RNASEL: variants seen among roughly 807,000 people sequenced by gnomAD.
The protein encoded by RNASEL is 2-5A-dependent ribonuclease.
RNASEL carries 36 observed loss-of-function variants against 50.9 expected under a neutral mutation model. The ratio of observed to expected loss-of-function variants is 0.71; its 90% CI spans 0.54 to 0.93. The LOEUF (loss-of-function observed/expected upper bound fraction) is 0.93. RNASEL is among the 40% of genes least tolerant of loss of function. The pLI is 0.00. For synonymous variants in RNASEL, 335 were observed against 335.6 expected (o/e 1.00, Z 0.02); for missense variants, 860 against 894.5 (o/e 0.96, Z 0.49).
At chr1:182,578,731 G>A (rs943051106) in intron 5 of RNASEL, 8 of 152,156 alleles carry the variant, frequency 5.3e-5, no homozygotes, top group Non-Finnish European at 1.2e-4. Context: ...TGGGATTACA[G>A]GTGTGAGCCA....
At chr1:182,587,174 A>G (rs902158683) in intron 1 of RNASEL, among the ~76,000 whole-genome samples, 6 of 152,168 alleles carry the variant, frequency 3.9e-5, no homozygotes, top group South Asian at 4.1e-4. Context: ...GCCAATGTTA[A>G]TATTTTAGTG....
chr1:182,584,925 A>G (rs1661562936), intron 2 of RNASEL, among the ~76,000 whole-genome samples: 1 of 152,186 alleles, frequency 6.6e-6, no homozygotes, highest in Non-Finnish European at 1.5e-5. Context: ...TGTCTTCACT[A>G]CGTCACATCT....
chr1:182,586,081 G>A lies in RNASEL; in HGVS notation c.726C>T (p.Pro242=), dbSNP rs774975841. ...VNVRGERGKT[P]LILAVEKKHL... ...GCTTCTTCTCCACTGCCAGGATCAG[G>A]GGAGTCTTCCCTCTTTCTCCCCTCA... Residue 242 remains proline (P), a synonymous_variant, in exon 2 of 7, where the codon CCC becomes CCT. Coordinates refer to ENST00000367559, the MANE Select transcript of RNASEL (RefSeq NM_021133.4). The A allele has an allele frequency of 3.7e-6, 6 of 1,613,964 alleles. No individual in the cohort carries two copies. The South Asian group carries it at 4.4e-5, about 12-fold the overall frequency.
At position 182,586,500 on chromosome 1, in the gene RNASEL, C is replaced by T. The variant is rs750839217; in HGVS notation, c.307G>A (p.Gly103Arg). ...AAAAGTTTCAGCAGCTTCACGCTCC[C>T]CGCAATCGCTGCGAGGATAAAAGGC... is the stretch of plus-strand genomic sequence containing the variant. ...ATPFILAAIA[G>R]SVKLLKLFLS... is the part of the protein sequence containing the mutation. Residue 103 changes from glycine to arginine, a missense_variant, in exon 2 of 7, where the codon GGG (glycine) becomes AGG (arginine). Physicochemically the swap from Gly to Arg is moderately radical, Grantham distance 125. Coordinates refer to ENST00000367559, the MANE Select transcript of RNASEL (RefSeq NM_021133.4). The T allele has an allele frequency of 6.2e-7, 1 of 1,611,838 alleles. No individual in the cohort carries two copies. The highest frequency in any genetic ancestry group is 1.1e-5 in the South Asian group (1 of 91,042).
chr1:182,575,317 A>C lies in RNASEL; in HGVS notation c.*75T>G. ...CTCACAAGCAACCTGGTGAGTTAAA[A>C]GGCCCAGAATGTTGTGATTTGCCAA... On this transcript the variant is annotated 3_prime_UTR_variant, in exon 7 of 7. Transcript: ENST00000367559. 6.7e-7 allele frequency: 1 copy of C among 1,484,718 alleles called. No homozygotes were observed. The highest frequency in any genetic ancestry group is 9.4e-7 in the Non-Finnish European group (1 of 1,063,810). The allele number at this position is 1,484,718 out of a possible 1,614,324, so 92.0% of individuals were successfully genotyped here. A position where few individuals can be genotyped will look rare whatever the true frequency, so the allele number is the denominator to read the frequency against.
chr1:182,579,326 CATAG>C (rs913519666), intron 5 of RNASEL: 47 of 987,194 alleles, frequency 4.8e-5, no homozygotes, highest in Non-Finnish European at 5.5e-5. Context: ...TTGTCACCCT[CATAG>C]ATACAGAGCC....
rs200397730 is a variant in RNASEL at position 182,582,132 on chromosome 1, G to A, written c.1693C>T (p.Arg565Cys). Residue 565 changes from arginine (R) to cysteine (C), a missense_variant, in exon 4 of 7, where the codon CGT becomes TGT. Transcript: ENST00000367559. ...ACATGTTCCCCAGGATGGAAGAGAC[G>A]ATGAATGAGGTCCTTAGTTTCCTCA... The part of the protein sequence containing the change: ...PDEETKDLIH[R>C]LFHPGEHVRD... 6.2e-6 allele frequency: 10 copies of A among 1,614,200 alleles called. No individual in the cohort carries two copies. The highest frequency in any genetic ancestry group is 1.7e-5 in the Admixed American group (1 of 60,026).
In RNASEL at chr1:182,574,405, A is replaced by G. The variant is rs1661343632; in HGVS notation, c.*987T>C. ...GGGAGCCTCCTGTGGGGCTGACACCAGAAGGAACTCCATCACTACAGATCC... is the reference window on the plus strand; with the variant it reads ...GGGAGCCTCCTGTGGGGCTGACACCGGAAGGAACTCCATCACTACAGATCC... On this transcript the variant is annotated 3_prime_UTR_variant, in exon 7 of 7. Coordinates refer to ENST00000367559, the MANE Select transcript of RNASEL (RefSeq NM_021133.4). The G allele has an allele frequency of 4.4e-6, 1 of 229,106 alleles. No individual in the cohort carries two copies. The highest frequency in any genetic ancestry group is 1.8e-4 in the South Asian group (1 of 5,496). The allele number at this position is 229,106 out of a possible 1,614,324, so 14.2% of individuals were successfully genotyped here.
At position 182,576,303 on chromosome 1, in the gene RNASEL, C is replaced by CT. The variant is rs763694709; in HGVS notation, c.1991dup (p.Phe665ValfsTer10). 13 of 1,612,876 alleles carry CT rather than the reference C, an allele frequency of 8.1e-6. No individual in the cohort carries two copies. The East Asian group carries it at 2.9e-4, about 36-fold the overall frequency. On this transcript the variant is annotated frameshift_variant, in exon 6 of 7. Transcript: ENST00000367559. LOFTEE classifies it low-confidence loss of function (END_TRUNC). ...TGTGTTCTCCCAAATTCCGGATGAACTTTAGCAGATCACCCACAGTGTTCT... is the reference window on the plus strand; with the variant it reads ...TGTGTTCTCCCAAATTCCGGATGAACTTTTAGCAGATCACCCACAGTGTTCT...
intron 2 of RNASEL, among the ~76,000 whole-genome samples, chr1:182,584,766 A>G (rs1661559986): frequency 2.0e-5 from 3 of 152,200 alleles, no homozygotes. Flanking sequence ...TCATCGCTGA[A>G]GCCCTGGCTT....
chr1:182,573,757 T>C lies in RNASEL; in HGVS notation c.*1635A>G. On this transcript the variant is annotated 3_prime_UTR_variant, in exon 7 of 7. Coordinates refer to ENST00000367559, the MANE Select transcript of RNASEL (RefSeq NM_021133.4). ...TTAAAAGTTAAAGCAATCTTGCTGCTCATAAAGTATTTTTTAAGCCTTAAA... is the reference window on the plus strand; with the variant it reads ...TTAAAAGTTAAAGCAATCTTGCTGCCCATAAAGTATTTTTTAAGCCTTAAA... The C allele has an allele frequency of 5.4e-6, 1 of 184,964 alleles. No individual in the cohort carries two copies. Among genetic ancestry groups the C allele is most frequent in the Non-Finnish European group, 1.1e-5 (1 of 87,218 alleles). The allele number at this position is 184,964 out of a possible 1,614,324, so 11.5% of individuals were successfully genotyped here. A position where few individuals can be genotyped will look rare whatever the true frequency, so the allele number is the denominator to read the frequency against.
chr1:182,579,854 AGTTG>A, intron 5 of RNASEL: 6 of 605,230 alleles, frequency 9.9e-6, no homozygotes, highest in South Asian at 7.4e-5. Flanking sequence ...TGAGTAAATG[AGTTG>A]GTAGACTTGA....
Position 182,581,931 on chromosome 1 carries a change from C to A in RNASEL, c.1772+122G>T, listed in dbSNP as rs1661504385. Reference sequence around the variant, plus strand: ...AAGTCATCTCTCCAAGGACACACAGCCAGTAAATCCCAAGCTAAGAAAAAA... The same window carrying A: ...AAGTCATCTCTCCAAGGACACACAGACAGTAAATCCCAAGCTAAGAAAAAA... On this transcript the variant is annotated intron_variant, in intron 4 of 6. Transcript: ENST00000367559. 3.6e-6 allele frequency: 3 copies of A among 839,674 alleles called. No individual in the cohort carries two copies. The Admixed American group carries it at 5.2e-5, about 14-fold the overall frequency. 52.0% of individuals were successfully genotyped at this position (839,674 alleles called of 1,614,324 possible). A position where few individuals can be genotyped will look rare whatever the true frequency, so the allele number is the denominator to read the frequency against.
chr1:182,576,734 G>C (rs988558489), intron 5 of RNASEL: 1 of 204,070 alleles, frequency 4.9e-6, no homozygotes, highest in Non-Finnish European at 1.0e-5. Context: ...TTAGCCAGGC[G>C]TGGTGGCGCT....
Position 182,581,334 on chromosome 1 carries a change from A to G in RNASEL, c.1796T>C (p.Val599Ala). 1.9e-6 allele frequency: 3 copies of G among 1,614,060 alleles called. No homozygotes were observed. Among genetic ancestry groups the G allele is most frequent in the Non-Finnish European group, 2.5e-6 (3 of 1,180,020 alleles). ...WESRYRTLRN[V>A]GNESDIKTRK... The stretch of plus-strand genomic sequence containing the variant: ...TGTTTTGATGTCGGATTCATTTCCC[A>G]CATTCCGAAGCGTCCTATAGCGGCT... Residue 599 changes from valine (V) to alanine (A), a missense_variant, in exon 5 of 7, where the codon GTG becomes GCG. Coordinates refer to ENST00000367559, the MANE Select transcript of RNASEL (RefSeq NM_021133.4).
rs762325365 is a variant in RNASEL at position 182,582,079 on chromosome 1, A to G, written c.1746T>C (p.Gly582=). The G allele has an allele frequency of 2.5e-6, 4 of 1,614,206 alleles. No homozygotes were observed. The highest frequency in any genetic ancestry group is 3.4e-6 in the Non-Finnish European group (4 of 1,180,034). ...HVRDCLSDLL[G]HPFFWTWESR... Reference sequence around the variant, plus strand: ...TCTCCCAAGTCCAAAAGAAGGGATGACCCAGCAGGTCACTCAGACAGTCCC... The same window carrying G: ...TCTCCCAAGTCCAAAAGAAGGGATGGCCCAGCAGGTCACTCAGACAGTCCC... The change falls in exon 4 of 7, where the codon GGT becomes GGC. Residue 582 remains glycine, a synonymous_variant. Coordinates refer to ENST00000367559, the MANE Select transcript of RNASEL (RefSeq NM_021133.4).
chr1:182,581,379 A>G (rs759674452), intron 4 of RNASEL, 22 bp from the exon 5 acceptor site: 1 of 1,613,520 alleles, frequency 6.2e-7, no homozygotes, highest in East Asian at 2.2e-5. Flanking sequence ...TAAATGATCT[A>G]AATGATCATG....
chr1:182,586,783 G>C lies in RNASEL; in HGVS notation c.24C>G (p.Asn8Lys), dbSNP rs1417134768. 6.2e-7 allele frequency: 1 copy of C among 1,614,198 alleles called. No individual in the cohort carries two copies. Among genetic ancestry groups the C allele is most frequent in the Non-Finnish European group, 8.5e-7 (1 of 1,180,038 alleles). Residue 8 changes from asparagine (N) to lysine (K), a missense_variant, in exon 2 of 7, where the codon AAC (asparagine) becomes AAG (lysine). Transcript: ENST00000367559. MESRDHNNPQEGPTSSSG... is the reference protein window; with the variant it reads MESRDHNKPQEGPTSSSG... ...TGGAGGACGTGGGTCCCTCCTGGGG[G>C]TTGTTATGATCCCTGCTCTCCATGA...
intron 5 of RNASEL, among the ~76,000 whole-genome samples, chr1:182,580,990 G>A (rs1034133693): frequency 1.3e-5 from 2 of 152,282 alleles, no homozygotes; most frequent in Admixed American, 1.3e-4. Context: ...CTGAATAACA[G>A]TCTATCAGAG....
Sources: gnomAD v4.1 joint callset for allele counts (sites outside exome capture counted in the v4.1 genomes callset) on GRCh38, gnomAD v4.1.1 for gene constraint, MANE v1.5 for transcripts, NCBI Gene and HGNC (gene_info 2026-07-23, HGNC 2026-07-21) for gene names.